ESRRG: variants seen among roughly 807,000 people sequenced by gnomAD.
ESRRG encodes estrogen-related receptor gamma.
Under a neutral mutation model 44.0 loss-of-function variants are expected in ESRRG, and 13 were observed. The ratio of observed to expected loss-of-function variants is 0.30; its 90% CI spans 0.19 to 0.47. The LOEUF is 0.47. ESRRG is among the 20% of genes least tolerant of loss of function. The pLI is 1.00. For missense variants in ESRRG, 395 were observed against 580.6 expected (o/e 0.68, Z 3.29); for synonymous variants, 215 against 214.6 (o/e 1.00, Z -0.02).
chr1:217,053,391 G>A (rs1048625375), intron 1 of ESRRG, among the ~76,000 whole-genome samples: 1 of 151,642 alleles, frequency 6.6e-6, no homozygotes, highest in Non-Finnish European at 1.5e-5. Context: ...GGAGATAGAG[G>A]TTGCAGTGAG....
intron 1 of ESRRG, among the ~76,000 whole-genome samples, chr1:216,943,304 G>A (rs1301544536): frequency 6.6e-6 from 1 of 152,078 alleles, no homozygotes; most frequent in Non-Finnish European, 1.5e-5. Context: ...CAAGGCAAGA[G>A]GACTTACACC....
At chr1:217,122,870 A>C (rs2092839098) in intron 1 of ESRRG, among the ~76,000 whole-genome samples, 1 of 151,528 alleles carries the variant, frequency 6.6e-6, no homozygotes, top group Non-Finnish European at 1.5e-5. Context: ...TTTTTAGTAC[A>C]GACGGGGTTT....
intron 6 of ESRRG, among the ~76,000 whole-genome samples, chr1:216,516,990 A>G (rs7529338): frequency 0.22 from 32,977 of 152,108 alleles, 4,569 homozygotes; most frequent in Non-Finnish European, 0.32. Flanking sequence ...TAGAGGTGGC[A>G]CAATTTGGAG....
intron 2 of ESRRG, among the ~76,000 whole-genome samples, chr1:216,915,408 A>G (rs2818748): frequency 0.73 from 111,674 of 152,060 alleles, 41,370 homozygotes; most frequent in East Asian, 0.97. Context: ...AAACCACCAC[A>G]CATTCCTCTC....
chr1:216,949,558 G>A (rs572229156), intron 1 of ESRRG, among the ~76,000 whole-genome samples: 14 of 152,012 alleles, frequency 9.2e-5, no homozygotes, highest in Non-Finnish European at 1.3e-4. Context: ...TGATATTAAC[G>A]TCTGAGATCA....
At chr1:216,543,900 G>T (rs1318579532) in intron 5 of ESRRG, among the ~76,000 whole-genome samples, 2 of 152,020 alleles carry the variant, frequency 1.3e-5, no homozygotes, top group South Asian at 4.1e-4. Context: ...AAAACTTAGA[G>T]ATTTGTTTCA....
chr1:217,114,298 G>C (rs2092694546), intron 1 of ESRRG, among the ~76,000 whole-genome samples: 1 of 151,868 alleles, frequency 6.6e-6, no homozygotes, highest in Admixed American at 6.6e-5. Context: ...CCTCACACCT[G>C]TGGTCTCTGT....
intron 1 of ESRRG, among the ~76,000 whole-genome samples, chr1:217,108,886 C>T (rs138898701): frequency 7.2e-5 from 11 of 152,210 alleles, no homozygotes; most frequent in Admixed American, 2.0e-4. Flanking sequence ...AGGATATGTT[C>T]TGCTCATCTT....
At chr1:216,544,937 A>G (rs537404782) in intron 5 of ESRRG, among the ~76,000 whole-genome samples, 2 of 152,186 alleles carry the variant, frequency 1.3e-5, no homozygotes, top group Non-Finnish European at 2.9e-5. Flanking sequence ...ACAATTTAAG[A>G]ATTAGAAAAT....
intron 1 of ESRRG, among the ~76,000 whole-genome samples, chr1:217,061,861 T>C (rs1006730137): frequency 1.1e-4 from 16 of 152,182 alleles, no homozygotes; most frequent in Non-Finnish European, 2.1e-4. Flanking sequence ...ATGATAAATA[T>C]GTCATCTATG....
intron 1 of ESRRG, among the ~76,000 whole-genome samples, chr1:216,692,250 G>C (rs993518501): frequency 2.0e-5 from 3 of 151,780 alleles, no homozygotes; most frequent in African/African-American, 7.3e-5. Flanking sequence ...AGTAGGACTC[G>C]ATGTGGAGGT....
At chr1:216,565,935 A>G (rs750779409) in intron 4 of ESRRG, among the ~76,000 whole-genome samples, 3 of 152,074 alleles carry the variant, frequency 2.0e-5, no homozygotes, top group Non-Finnish European at 4.4e-5. Flanking sequence ...AAGAAAATCC[A>G]ATAGTAAAGA....
chr1:217,042,327 A>C (rs970330902), intron 1 of ESRRG, among the ~76,000 whole-genome samples: 1 of 152,172 alleles, frequency 6.6e-6, no homozygotes, highest in Non-Finnish European at 1.5e-5. Context: ...CCTTGTCCCA[A>C]ATAACAACTG....
chr1:216,808,090 C>A (rs1166966659), intron 2 of ESRRG, among the ~76,000 whole-genome samples: 1 of 152,152 alleles, frequency 6.6e-6, no homozygotes, highest in Non-Finnish European at 1.5e-5. Flanking sequence ...GTGTGGAATT[C>A]TTTCTATACT....
intron 2 of ESRRG, among the ~76,000 whole-genome samples, chr1:216,932,087 C>T (rs563885537): frequency 7.9e-5 from 12 of 152,032 alleles, no homozygotes; most frequent in South Asian, 2.1e-4. Context: ...ACCTGTAATC[C>T]GAGTTACTCA....
intron 3 of ESRRG, among the ~76,000 whole-genome samples, chr1:216,645,088 C>T (rs2067252931): frequency 6.6e-6 from 1 of 152,136 alleles, no homozygotes; most frequent in African/African-American, 2.4e-5. Context: ...GTTTTTCACA[C>T]ACAGGCAAAA....
At chr1:217,049,638 C>G (rs909524580) in intron 1 of ESRRG, among the ~76,000 whole-genome samples, 2 of 152,152 alleles carry the variant, frequency 1.3e-5, no homozygotes, top group Admixed American at 1.3e-4. Flanking sequence ...AGTGTAGGAA[C>G]TTGCCCTGTG....
intron 3 of ESRRG, among the ~76,000 whole-genome samples, chr1:216,594,964 A>T (rs752290997): frequency 1.3e-5 from 2 of 152,216 alleles, no homozygotes; most frequent in African/African-American, 4.8e-5. Context: ...CTGTCATATC[A>T]CAAGAGGCAA....
chr1:217,000,970 G>A (rs1403012535), intron 1 of ESRRG, among the ~76,000 whole-genome samples: 2 of 152,184 alleles, frequency 1.3e-5, no homozygotes, highest in Non-Finnish European at 2.9e-5. Flanking sequence ...TAGGATGGTG[G>A]CCTCAATGAG....
Sources: gnomAD v4.1 joint callset for allele counts (sites outside exome capture counted in the v4.1 genomes callset) on GRCh38, gnomAD v4.1.1 for gene constraint, MANE v1.5 for transcripts, NCBI Gene and HGNC (gene_info 2026-07-23, HGNC 2026-07-21) for gene names.